MC2R: variants seen among roughly 807,000 people sequenced by gnomAD.
MC2R encodes the protein adrenocorticotropic hormone receptor.
A neutral mutation model predicts 9.8 loss-of-function variants in MC2R; 9 were observed. The ratio of observed to expected loss-of-function variants is 0.92; its 90% CI spans 0.55 to 1.60. The LOEUF (loss-of-function observed/expected upper bound fraction) is 1.60, where lower values mean the gene tolerates loss of function less well. MC2R is among the 40% of genes most tolerant of loss of function. The pLI, the probability that MC2R is intolerant of heterozygous loss-of-function variation, is 0.00. For synonymous variants in MC2R, 185 were observed against 154.7 expected, an observed-to-expected ratio of 1.20 and a Z score of -1.45; for missense variants, 370 against 389.0, an observed-to-expected ratio of 0.95 and a Z score of 0.41.
intron 1 of MC2R, among the ~76,000 whole-genome samples, chr18:13,898,621 G>C (rs2045360652): frequency 6.6e-6 from 1 of 152,224 alleles, no homozygotes; most frequent in African/African-American, 2.4e-5. Flanking sequence ...CACAGTGGTA[G>C]TGACGAGGTG....
intron 1 of MC2R, among the ~76,000 whole-genome samples, chr18:13,896,994 C>T (rs780363349): frequency 2.6e-5 from 4 of 152,092 alleles, no homozygotes; most frequent in Admixed American, 6.6e-5. Flanking sequence ...ACTGATTGTC[C>T]CCCTGCAAGG....
intron 1 of MC2R, among the ~76,000 whole-genome samples, chr18:13,891,277 C>T (rs1037808903): frequency 1.3e-5 from 2 of 152,164 alleles, no homozygotes; most frequent in Non-Finnish European, 2.9e-5. Flanking sequence ...TTCCTTCTTC[C>T]ACTGCATGGT....
In MC2R at chr18:13,885,095, C is replaced by A. The variant is rs199950178; in HGVS notation, c.424G>T (p.Val142Leu). Residue 142 changes from valine to leucine, a missense_variant, in exon 2 of 2, where the codon GTG becomes TTG. Coordinates refer to ENST00000327606, the MANE Select transcript of MC2R (RefSeq NM_000529.2). Reference protein sequence around the residue: ...IFHALRYHSIVTMRRTVVVLT... With the variant: ...IFHALRYHSILTMRRTVVVLT... ...ACCACCACAGTGCGGCGCATGGTCA[C>A]GATGCTGTGGTACCGCAGTGCGTGG... is the stretch of plus-strand genomic sequence containing the variant. 1 of 1,614,134 alleles carries A rather than the reference C, an allele frequency of 6.2e-7. No homozygotes were observed. Among genetic ancestry groups the A allele is most frequent in the Non-Finnish European group, 8.5e-7 (1 of 1,180,034 alleles).
intron 1 of MC2R, among the ~76,000 whole-genome samples, chr18:13,886,977 G>T (rs1172606439): frequency 6.6e-6 from 1 of 152,230 alleles, no homozygotes; most frequent in Non-Finnish European, 1.5e-5. Flanking sequence ...GGGCGTAGCT[G>T]CTGTGAGGGT....
intron 1 of MC2R, among the ~76,000 whole-genome samples, chr18:13,887,490 C>A (rs1029194071): frequency 1.3e-5 from 2 of 152,122 alleles, no homozygotes; most frequent in Non-Finnish European, 2.9e-5. Flanking sequence ...TGGGAGGGGG[C>A]CTGTGGTGGT....
intron 1 of MC2R, among the ~76,000 whole-genome samples, chr18:13,912,676 C>G (rs972748114): frequency 3.9e-5 from 6 of 152,310 alleles, no homozygotes; most frequent in Middle Eastern, 3.4e-3. Flanking sequence ...GTTTTCTGCT[C>G]CCGGACCATC....
chr18:13,893,093 G>T (rs1415699727), intron 1 of MC2R, among the ~76,000 whole-genome samples: 2 of 152,160 alleles, frequency 1.3e-5, no homozygotes, highest in African/African-American at 4.8e-5. Flanking sequence ...TCTCCTTCAG[G>T]AGCCCCCACT....
chr18:13,892,682 G>C (rs921435430), intron 1 of MC2R, among the ~76,000 whole-genome samples: 1 of 151,792 alleles, frequency 6.6e-6, no homozygotes, highest in African/African-American at 2.4e-5. Context: ...CAAATGTCTT[G>C]ACACCCCATG....
chr18:13,898,294 G>A (rs1013316946), intron 1 of MC2R, among the ~76,000 whole-genome samples: 4 of 152,138 alleles, frequency 2.6e-5, no homozygotes, highest in African/African-American at 9.7e-5. Context: ...TCTGCCTTTC[G>A]GAAAGAGACG....
chr18:13,912,277 T>C (rs941511280), intron 1 of MC2R, among the ~76,000 whole-genome samples: 1 of 152,220 alleles, frequency 6.6e-6, no homozygotes, highest in African/African-American at 2.4e-5. Context: ...TAGGTGTTCC[T>C]ATTTCCTGCT....
chr18:13,912,321 C>T lies in MC2R; in HGVS notation c.-129+3167G>A, dbSNP rs1394307323. Among the ~76,000 whole-genome samples the T allele has an allele frequency of 2.6e-5, 4 of 152,130 alleles. No individual in the cohort carries two copies. In the East Asian group the frequency reaches 5.8e-4, roughly 22 times the overall value. ...TATATTATAGATAAGAAAACGGAGG[C>T]TCAGGGAGGTTGGGTTACTTGCTTA... is the stretch of plus-strand genomic sequence containing the variant. On this transcript the variant is annotated intron_variant, in intron 1 of 1. Coordinates refer to ENST00000327606, the MANE Select transcript of MC2R (RefSeq NM_000529.2).
rs563660431 is a variant in MC2R at position 13,914,117 on chromosome 18, G to C, written c.-129+1371C>G. On this transcript the variant is annotated intron_variant, in intron 1 of 1. Transcript: ENST00000327606. ...CTCTGAGGCAGTGAGAGGGCAATTT[G>C]CTGCTGAGCAAAAACCTCCTCTGCC... Among the ~76,000 whole-genome samples, 5 of 150,806 alleles carry C rather than the reference G, an allele frequency of 3.3e-5. No individual in the cohort carries two copies. In the East Asian group the frequency reaches 9.8e-4, roughly 29 times the overall value.
intron 1 of MC2R, among the ~76,000 whole-genome samples, chr18:13,904,218 CAA>C (rs71174201): frequency 2.8e-5 from 4 of 144,396 alleles, no homozygotes; most frequent in African/African-American, 1.0e-4. Context: ...ACTAAAAATA[CAA>C]AAAAAAAAAA....
At chr18:13,892,773 C>T (rs566895977) in intron 1 of MC2R, among the ~76,000 whole-genome samples, 4 of 150,526 alleles carry the variant, frequency 2.7e-5, no homozygotes, top group South Asian at 2.1e-4. Context: ...AAGAGAGATA[C>T]AGAAATAGAG....
intron 1 of MC2R, among the ~76,000 whole-genome samples, chr18:13,907,217 A>G (rs898323126): frequency 2.0e-5 from 3 of 152,214 alleles, no homozygotes; most frequent in Non-Finnish European, 4.4e-5. Context: ...CTATAAATCC[A>G]TGCATTTGCA....
At chr18:13,902,581 T>C (rs575590489) in intron 1 of MC2R, among the ~76,000 whole-genome samples, 51 of 152,146 alleles carry the variant, frequency 3.4e-4, no homozygotes, top group African/African-American at 9.2e-4. Flanking sequence ...GCCAAGAACA[T>C]GCAATGGGGG....
intron 1 of MC2R, among the ~76,000 whole-genome samples, chr18:13,904,463 A>G (rs1385489629): frequency 1.3e-5 from 2 of 152,094 alleles, no homozygotes; most frequent in Non-Finnish European, 2.9e-5. Flanking sequence ...GGAGAAATGG[A>G]AAGCCTTTCC....
chr18:13,895,670 T>A (rs1287199500), intron 1 of MC2R, among the ~76,000 whole-genome samples: 1 of 152,148 alleles, frequency 6.6e-6, no homozygotes. Context: ...GTGGATACAG[T>A]CTACCTCCAG....
rs1319370395 is a variant in MC2R at position 13,882,262 on chromosome 18, A to C, written c.*2363T>G. On this transcript the variant is annotated 3_prime_UTR_variant, in exon 2 of 2. Coordinates refer to ENST00000327606, the MANE Select transcript of MC2R (RefSeq NM_000529.2). Reference sequence around the variant, plus strand: ...TGATCTTCCTCACACAAATATGTGCAGTTTGGTGGTGCTTTCATTTGGAAT... The same window carrying C: ...TGATCTTCCTCACACAAATATGTGCCGTTTGGTGGTGCTTTCATTTGGAAT... 1 of 152,238 alleles carries C rather than the reference A, an allele frequency of 6.6e-6. No individual in the cohort carries two copies. Among genetic ancestry groups the C allele is most frequent in the Non-Finnish European group, 1.5e-5 (1 of 68,040 alleles). 9.4% of individuals were successfully genotyped at this position (152,238 alleles called of 1,614,324 possible). A position where few individuals can be genotyped will look rare whatever the true frequency, so the allele number is the denominator to read the frequency against.
Sources: gnomAD v4.1 joint callset for allele counts (sites outside exome capture counted in the v4.1 genomes callset) on GRCh38, gnomAD v4.1.1 for gene constraint, MANE v1.5 for transcripts, NCBI Gene and HGNC (gene_info 2026-07-23, HGNC 2026-07-21) for gene names.